Variants in BICD1 observed in about 807,000 individuals in gnomAD.
BICD1 encodes the protein protein bicaudal D homolog 1.
Under a neutral mutation model 92.5 loss-of-function variants are expected in BICD1, and 35 were observed. The ratio of observed to expected loss-of-function variants is 0.38; its 90% CI spans 0.29 to 0.50. BICD1 has a LOEUF of 0.50. Ranked by LOEUF, BICD1 falls within the 20% of genes least tolerant of loss-of-function variation. The pLI is 0.93. For synonymous variants in BICD1, 429 were observed against 465.1 expected (o/e 0.92, Z 1.00); for missense variants, 950 against 1,189.8 (o/e 0.80, Z 2.97).
At chr12:32,299,284 A>G (rs892785772) in intron 3 of BICD1, among the ~76,000 whole-genome samples, 1 of 152,196 alleles carries the variant, frequency 6.6e-6, no homozygotes, top group African/African-American at 2.4e-5. Context: ...ATCAAACACC[A>G]GTTTTTAAGC....
rs1013393735 is a variant in BICD1, at chr12:32,380,264, G to A, written c.*2637G>A. The A allele has an allele frequency of 6.6e-6, 1 of 152,138 alleles. No individual in the cohort carries two copies. The highest frequency in any genetic ancestry group is 2.4e-5 in the African/African-American group (1 of 41,444). 9.4% of individuals were successfully genotyped at this position (152,138 alleles called of 1,614,324 possible). On this transcript the variant is annotated 3_prime_UTR_variant, in exon 10 of 10. Transcript: ENST00000652176. ...ATAGGCATTTAAAGTGAATCAGTATGTGTAGTGTTGATAAAAATCAGTATC... is the reference window on the plus strand; with the variant it reads ...ATAGGCATTTAAAGTGAATCAGTATATGTAGTGTTGATAAAAATCAGTATC...
At chr12:32,297,313 C>T (rs1009520067) in intron 3 of BICD1, among the ~76,000 whole-genome samples, 1 of 152,132 alleles carries the variant, frequency 6.6e-6, no homozygotes, top group Non-Finnish European at 1.5e-5. Flanking sequence ...TCTTGTGACT[C>T]GGCCTCCTGA....
intron 8 of BICD1, chr12:32,339,625 A>T: frequency 1.0e-6 from 1 of 985,286 alleles, no homozygotes; most frequent in Non-Finnish European, 1.2e-6. Flanking sequence ...TTCTATGAAG[A>T]GGCCTAACTT....
At chr12:32,165,023 GTC>G (rs1253044292) in intron 1 of BICD1, among the ~76,000 whole-genome samples, 4 of 152,158 alleles carry the variant, frequency 2.6e-5, no homozygotes, top group Non-Finnish European at 5.9e-5. Context: ...GCACAGGGAG[GTC>G]TCTCGAGAAA....
intron 8 of BICD1, among the ~76,000 whole-genome samples, chr12:32,346,592 A>ATATATATATATATATACGTG (rs1938612849): frequency 1.4e-4 from 2 of 14,732 alleles, no homozygotes; most frequent in African/African-American, 4.8e-4. Flanking sequence ...ACGTGTATAT[A>ATATATATATATATATACGTG]TATATATATA....
chr12:32,369,618 G>A (rs1178748625), intron 9 of BICD1, among the ~76,000 whole-genome samples: 3 of 152,266 alleles, frequency 2.0e-5, no homozygotes, highest in South Asian at 2.1e-4. Flanking sequence ...TTGGCCAGGT[G>A]TGGTGGCTTA....
At chr12:32,128,799 G>A (rs987929339) in intron 1 of BICD1, among the ~76,000 whole-genome samples, 16 of 151,810 alleles carry the variant, frequency 1.1e-4, no homozygotes, top group African/African-American at 3.6e-4. Context: ...TTAAGATAGG[G>A]TATTGTTTTG....
intron 2 of BICD1, among the ~76,000 whole-genome samples, chr12:32,291,147 G>A (rs990796071): frequency 6.6e-6 from 1 of 152,154 alleles, no homozygotes; most frequent in Non-Finnish European, 1.5e-5. Context: ...CTGTACTCAG[G>A]AGTCAAGTCA....
At chr12:32,199,607 G>A (rs969312703) in intron 1 of BICD1, among the ~76,000 whole-genome samples, 1 of 152,166 alleles carries the variant, frequency 6.6e-6, no homozygotes, top group Non-Finnish European at 1.5e-5. Context: ...ATATGTCTAC[G>A]TGTAAGTGTG....
At chr12:32,121,088 C>A (rs560481549) in intron 1 of BICD1, among the ~76,000 whole-genome samples, 1 of 151,520 alleles carries the variant, frequency 6.6e-6, no homozygotes, top group East Asian at 2.0e-4. Context: ...CCTGCCTCAG[C>A]CTCCCGAGTA....
intron 2 of BICD1, among the ~76,000 whole-genome samples, chr12:32,230,567 A>C: frequency 6.6e-6 from 1 of 151,980 alleles, no homozygotes. Flanking sequence ...ATGAAGGGGA[A>C]TGAGTTGGTG....
chr12:32,182,558 T>C (rs1944307898), intron 1 of BICD1, among the ~76,000 whole-genome samples: 1 of 151,704 alleles, frequency 6.6e-6, no homozygotes, highest in Admixed American at 6.6e-5. Context: ...ACTGGAAATA[T>C]AGGCATGAGC....
intron 2 of BICD1, chr12:32,227,749 T>A: frequency 6.3e-6 from 1 of 157,570 alleles, no homozygotes. Context: ...AGAGTACCCG[T>A]AGCCTCCATT....
chr12:32,306,026 C>T lies in BICD1; in HGVS notation c.909C>T (p.Pro303=), dbSNP rs768819671. Residue 303 remains proline (P), a synonymous_variant, in exon 4 of 10, where the codon CCC becomes CCT. Coordinates refer to ENST00000652176, the MANE Select transcript of BICD1 (RefSeq NM_001714.4). The part of the protein sequence containing the change: ...LVKLNGDYRT[P]TLRKGESLNP... ...AACTGAATGGAGACTATCGGACTCC[C>T]ACCTTAAGGAAAGGAGAGTCTCTGA... 2 of 1,614,138 alleles carry T rather than the reference C, an allele frequency of 1.2e-6. No homozygotes were observed. The highest frequency in any genetic ancestry group is 8.5e-7 in the Non-Finnish European group (1 of 1,180,006).
At chr12:32,323,534 T>C (rs542159813) in intron 4 of BICD1, among the ~76,000 whole-genome samples, 3 of 152,360 alleles carry the variant, frequency 2.0e-5, no homozygotes, top group Admixed American at 2.0e-4. Context: ...TGTTCTCTGA[T>C]GCCACAGGCC....
chr12:32,116,588 C>T (rs565587828), intron 1 of BICD1, among the ~76,000 whole-genome samples: 15 of 151,538 alleles, frequency 9.9e-5, no homozygotes, highest in African/African-American at 3.6e-4. Flanking sequence ...GGTGCGATTA[C>T]AGCCCACTGC....
At chr12:32,125,737 A>G (rs1048712117) in intron 1 of BICD1, among the ~76,000 whole-genome samples, 2 of 152,034 alleles carry the variant, frequency 1.3e-5, no homozygotes, top group Admixed American at 6.6e-5. Context: ...CAAAGCAGGA[A>G]CTCTTAGAAG....
intron 2 of BICD1, among the ~76,000 whole-genome samples, chr12:32,282,199 CTTCTTTTTTTTTTTTTTT>C (rs1010765355): frequency 2.9e-5 from 2 of 68,994 alleles, no homozygotes; most frequent in African/African-American, 1.1e-4. Context: ...TTCAGGTCTT[CTTCTTTTTTTTTTTTTTT>C]TTTTTTTTTT....
intron 4 of BICD1, among the ~76,000 whole-genome samples, chr12:32,315,886 A>G (rs995687614): frequency 9.2e-5 from 14 of 152,068 alleles, no homozygotes; most frequent in Admixed American, 3.9e-4. Flanking sequence ...TTGTAATCCT[A>G]GCACTTTGGG....
Sources: allele counts gnomAD v4.1 joint callset (sites outside exome capture counted in the v4.1 genomes callset), GRCh38; gene constraint gnomAD v4.1.1; transcripts MANE v1.5; gene names NCBI Gene and HGNC (gene_info 2026-07-23, HGNC 2026-07-21).